Variants in ABCC1 observed in about 807,000 individuals in gnomAD.
ABCC1 encodes the protein ATP binding cassette subfamily C member 1 (ABCC1 blood group), also known as multidrug resistance-associated protein 1.
In ABCC1, 83 loss-of-function variants were observed where a neutral mutation model predicts 172.9. The observed-to-expected ratio is 0.48, with a 90% CI of 0.40 to 0.58. The LOEUF (loss-of-function observed/expected upper bound fraction) is 0.58. Among genes scored for constraint, ABCC1 ranks in the 20% least tolerant of loss-of-function variants. The pLI is 0.00. For synonymous variants in ABCC1, 937 were observed against 825.2 expected (o/e 1.14, Z -2.32); for missense variants, 1,817 against 2,002.7 (o/e 0.91, Z 1.77).
At chr16:16,033,384 C>T (rs1220627529) in intron 6 of ABCC1, among the ~76,000 whole-genome samples, 1 of 152,020 alleles carries the variant, frequency 6.6e-6, no homozygotes, top group Admixed American at 6.6e-5. Context: ...ACACGTGAGC[C>T]GTGAGCAGCT....
chr16:16,001,461 A>G (rs375038956), intron 1 of ABCC1, among the ~76,000 whole-genome samples: 15 of 152,194 alleles, frequency 9.9e-5, no homozygotes, highest in South Asian at 6.2e-4. Flanking sequence ...CGGCCTCCCA[A>G]AGTGCTGGGA....
chr16:16,094,185 G>A (rs2051370338), intron 19 of ABCC1: 2 of 264,794 alleles, frequency 7.6e-6, no homozygotes, highest in Non-Finnish European at 7.6e-6. Flanking sequence ...GGGTTAATCC[G>A]ACCGACCCTG....
chr16:16,134,600 A>G, intron 28 of ABCC1, 92 bp downstream of exon 28: 5 of 1,381,766 alleles, frequency 3.6e-6, no homozygotes, highest in South Asian at 1.3e-5. Context: ...TGGGGCAAAC[A>G]TACATTTGGC....
intron 21 of ABCC1, among the ~76,000 whole-genome samples, chr16:16,108,762 A>G (rs2052257875): frequency 6.6e-6 from 1 of 151,340 alleles, no homozygotes; most frequent in South Asian, 2.1e-4. Flanking sequence ...CGCTTGACTA[A>G]TTTTTTTAAT....
At chr16:16,089,607 C>T (rs2051156014) in intron 18 of ABCC1, among the ~76,000 whole-genome samples, 1 of 151,682 alleles carries the variant, frequency 6.6e-6, no homozygotes, top group Non-Finnish European at 1.5e-5. Context: ...CAGCGGCTCA[C>T]ACCTGTAATC....
At chr16:16,079,241 TTCTG>T in intron 15 of ABCC1, 107 bp from the exon 16 acceptor site, 1 of 1,497,742 alleles carries the variant, frequency 6.7e-7, no homozygotes, top group East Asian at 2.3e-5. Context: ...CAGTCTTGCC[TTCTG>T]TCTTTCTCTT....
At chr16:16,046,261 G>A (rs1324026008) in intron 9 of ABCC1, among the ~76,000 whole-genome samples, 1 of 152,154 alleles carries the variant, frequency 6.6e-6, no homozygotes, top group Non-Finnish European at 1.5e-5. Flanking sequence ...TTCTTAGATG[G>A]ATCAGTGGCC....
intron 10 of ABCC1, among the ~76,000 whole-genome samples, chr16:16,050,007 AGTTTT>A (rs1321409897): frequency 2.0e-5 from 3 of 152,044 alleles, no homozygotes; most frequent in South Asian, 2.1e-4. Context: ...TCCCTGAAAT[AGTTTT>A]GTTTTGTTTT....
intron 5 of ABCC1, among the ~76,000 whole-genome samples, chr16:16,024,683 G>C (rs1194791827): frequency 1.3e-5 from 2 of 152,164 alleles, no homozygotes; most frequent in Admixed American, 6.6e-5. Flanking sequence ...CCCTACTGTG[G>C]TGGGAGCTGA....
chr16:16,054,748 G>A (rs749352495), intron 11 of ABCC1, among the ~76,000 whole-genome samples: 1 of 152,120 alleles, frequency 6.6e-6, no homozygotes, highest in Non-Finnish European at 1.5e-5. Context: ...CTGTGACCCG[G>A]GGATGACTGT....
intron 1 of ABCC1, among the ~76,000 whole-genome samples, chr16:15,996,608 G>T (rs1171995516): frequency 6.6e-6 from 1 of 152,170 alleles, no homozygotes; most frequent in African/African-American, 2.4e-5. Context: ...TTGGCTGGCT[G>T]GGTCCCTGGC....
rs776382559 is a variant in ABCC1, at chr16:16,076,314, T to C, written c.1913-12T>C. 1 of 1,612,480 alleles carries C rather than the reference T, an allele frequency of 6.2e-7. No individual in the cohort carries two copies. The highest frequency in any genetic ancestry group is 8.5e-7 in the Non-Finnish European group (1 of 1,179,392). ...GCTCAGCCTGTCCCTGACATGTCTC[T>C]GTGCTTTGTAGGCGGGGGCACGAAC... On this transcript the variant is annotated splice_polypyrimidine_tract_variant and intron_variant, in intron 14 of 30. Coordinates refer to ENST00000399410, the MANE Select transcript of ABCC1 (RefSeq NM_004996.4).
In ABCC1 at chr16:16,007,959, C is replaced by T. The variant is rs1043402735; in HGVS notation, c.192C>T (p.Tyr64=). The T allele has an allele frequency of 1.9e-6, 3 of 1,604,364 alleles. No individual in the cohort carries two copies. Among genetic ancestry groups the T allele is most frequent in the Non-Finnish European group, 1.7e-6 (2 of 1,176,382 alleles). ...ATCTCTCCCGACATGACCGAGGCTA[C>T]ATTCAGATGACACCTCTCAACAAAA... The part of the protein sequence containing the change: ...FLYLSRHDRG[Y]IQMTPLNKTK... The change falls in exon 2 of 31, where the codon TAC becomes TAT. Residue 64 remains tyrosine, a synonymous_variant. Coordinates refer to ENST00000399410, the MANE Select transcript of ABCC1 (RefSeq NM_004996.4).
chr16:16,069,161 ATAAAAT>A, intron 13 of ABCC1, among the ~76,000 whole-genome samples: 1 of 141,674 alleles, frequency 7.1e-6, no homozygotes, highest in Middle Eastern at 3.6e-3. Context: ...ATAAAATAAA[ATAAAAT>A]AAAAATAAAT....
At chr16:16,026,432 C>CAAAA (rs386384354) in intron 5 of ABCC1, among the ~76,000 whole-genome samples, 27 of 59,194 alleles carry the variant, frequency 4.6e-4, no homozygotes, top group South Asian at 8.2e-4. Flanking sequence ...GAAACCGTCT[C>CAAAA]AAAAAAAAAA....
In ABCC1 at chr16:16,025,890, A is replaced by G. The variant is rs1340791744; in HGVS notation, c.616-7219A>G. The stretch of plus-strand genomic sequence containing the variant: ...AGGGACCAGTTCACAAGCTGCTTTC[A>G]TGCTATCTGGGACAGGAGTTACTGT... On this transcript the variant is annotated intron_variant, in intron 5 of 30. Transcript: ENST00000399410. Among the ~76,000 whole-genome samples, 3 of 152,162 alleles carry G rather than the reference A, an allele frequency of 2.0e-5. No individual in the cohort carries two copies. The East Asian group carries it at 5.8e-4, about 29-fold the overall frequency.
intron 13 of ABCC1, 117 bp from the exon 14 acceptor site, chr16:16,071,525 A>G (rs2050347793): frequency 2.8e-6 from 2 of 715,760 alleles, no homozygotes; most frequent in Non-Finnish European, 4.8e-6. Flanking sequence ...GACCTTCAGA[A>G]ATAAGGGAGG....
intron 1 of ABCC1, among the ~76,000 whole-genome samples, chr16:15,990,929 G>C (rs868368272): frequency 1.3e-5 from 2 of 151,724 alleles, no homozygotes; most frequent in Middle Eastern, 6.8e-3. Flanking sequence ...TCCCAAAGCG[G>C]TGGGATTACA....
chr16:16,058,692 C>T (rs1039599727), intron 12 of ABCC1, among the ~76,000 whole-genome samples: 5 of 152,060 alleles, frequency 3.3e-5, no homozygotes, highest in African/African-American at 1.2e-4. Flanking sequence ...AGTCTGTCAC[C>T]CAGGTTGGAT....
Sources: allele counts gnomAD v4.1 joint callset (sites outside exome capture counted in the v4.1 genomes callset), GRCh38; gene constraint gnomAD v4.1.1; transcripts MANE v1.5; gene names NCBI Gene and HGNC (gene_info 2026-07-23, HGNC 2026-07-21).